ITGB2: variants seen among roughly 807,000 people sequenced by gnomAD.
The protein encoded by ITGB2 is integrin beta-2.
ITGB2 carries 56 observed loss-of-function variants against 86.8 expected under a neutral mutation model. That is an observed-to-expected ratio of 0.65 (90% CI 0.52 to 0.81). The LOEUF (loss-of-function observed/expected upper bound fraction) is 0.81, where lower values mean the gene tolerates loss of function less well. Among genes scored for constraint, ITGB2 ranks in the 30% least tolerant of loss-of-function variants. The pLI, the probability that ITGB2 is intolerant of heterozygous loss-of-function variation, is 0.00. For missense variants in ITGB2, 948 were observed against 1,061.2 expected (o/e 0.89, Z 1.48); for synonymous variants, 457 against 450.4 (o/e 1.01, Z -0.19).
rs376484884 is a variant in ITGB2 at position 44,901,736 on chromosome 21, G to A, written c.500-3C>T. On this transcript the variant is annotated splice_region_variant and splice_polypyrimidine_tract_variant and intron_variant, in intron 5 of 15. Transcript: ENST00000652462. ...CTTGTCCACGAAGGACCCGAAGCCT[G>A]CAGGGCACATGGAGGGGCTGGGGAG... 16 of 1,607,578 alleles carry A rather than the reference G, an allele frequency of 1.0e-5. No individual in the cohort carries two copies. The African/African-American group carries it at 1.6e-4, about 16-fold the overall frequency.
upstream of ITGB2, among the ~76,000 whole-genome samples, chr21:44,921,935 G>C (rs2084311516): frequency 6.6e-6 from 1 of 152,164 alleles, no homozygotes. Context: ...TGTTGACCAG[G>C]CTGGTCTTGA....
chr21:44,888,439 C>T (rs1206491121), intron 14 of ITGB2, among the ~76,000 whole-genome samples: 1 of 152,238 alleles, frequency 6.6e-6, no homozygotes, highest in Non-Finnish European at 1.5e-5. Context: ...AGTGGTGCCC[C>T]CAGGGAGCAG....
chr21:44,894,416 C>T lies in ITGB2; in HGVS notation c.1083+555G>A, dbSNP rs372319926. 4 of 177,784 alleles carry T rather than the reference C, an allele frequency of 2.2e-5. No homozygotes were observed. The South Asian group carries it at 4.6e-4, about 20-fold the overall frequency. The allele number at this position is 177,784 out of a possible 1,614,324, so 11.0% of individuals were successfully genotyped here. On this transcript the variant is annotated intron_variant, in intron 9 of 15. Coordinates refer to ENST00000652462, the MANE Select transcript of ITGB2 (RefSeq NM_000211.5). ...CTCTGGTGCCTGGGGCCCTGAATGG[C>T]ACCTAGTGCGCACCTATGCCTACCT...
intron 8 of ITGB2, among the ~76,000 whole-genome samples, chr21:44,895,718 G>A (rs2083854951): frequency 6.6e-6 from 1 of 151,580 alleles, no homozygotes; most frequent in Non-Finnish European, 1.5e-5. Flanking sequence ...GTGGGCACCT[G>A]TAAGCCCAGC....
chr21:44,899,648 G>A (rs1273951872), intron 7 of ITGB2, among the ~76,000 whole-genome samples: 1 of 152,238 alleles, frequency 6.6e-6, no homozygotes, highest in African/African-American at 2.4e-5. Context: ...CTGCAAGAGC[G>A]TCGCACTACG....
chr21:44,891,499 G>C (rs945264773), intron 11 of ITGB2, among the ~76,000 whole-genome samples: 3 of 152,190 alleles, frequency 2.0e-5, no homozygotes, highest in South Asian at 2.1e-4. Flanking sequence ...CCCTGAGATG[G>C]GCCTCCATCC....
rs759527254 is a variant in ITGB2 at position 44,901,603 on chromosome 21, C to A, written c.630G>T (p.Leu210=). The change falls in exon 6 of 16, where the codon CTG becomes CTT. Residue 210 remains leucine, a synonymous_variant. Transcript: ENST00000652462. ...PPFAFRHVLK[L]TNNSNQFQTE... ...TCTGAAACTGGTTGGAGTTGTTGGT[C>A]AGCTTCAGCACGTGCCTGAAGGCAA... The A allele has an allele frequency of 1.2e-6, 2 of 1,614,256 alleles. No homozygotes were observed. The highest frequency in any genetic ancestry group is 3.3e-5 in the Admixed American group (2 of 60,032).
At chr21:44,888,291 C>T (rs908144489) in intron 14 of ITGB2, among the ~76,000 whole-genome samples, 13 of 152,218 alleles carry the variant, frequency 8.5e-5, no homozygotes, top group Admixed American at 4.6e-4. Flanking sequence ...CTCCCAATCC[C>T]CTCAAAGGAG....
At chr21:44,917,067 G>A (rs2084222826) in intron 1 of ITGB2, among the ~76,000 whole-genome samples, 1 of 152,172 alleles carries the variant, frequency 6.6e-6, no homozygotes, top group Admixed American at 6.5e-5. Context: ...GATGTTTCAA[G>A]GGTGTGGCAC....
At chr21:44,922,405 G>A (rs1180898794), upstream of ITGB2, among the ~76,000 whole-genome samples, 2 of 152,118 alleles carry the variant, frequency 1.3e-5, no homozygotes, top group African/African-American at 2.4e-5. Context: ...GCTCAAACTT[G>A]TAATCCCAGC....
intron 1 of ITGB2, among the ~76,000 whole-genome samples, chr21:44,927,189 G>T (rs1290449607): frequency 6.6e-6 from 1 of 152,202 alleles, no homozygotes; most frequent in Non-Finnish European, 1.5e-5. Flanking sequence ...CCACGGAGGA[G>T]ACCCCATAGG....
Position 44,901,640 on chromosome 21 carries a change from C to A in ITGB2, c.593G>T (p.Cys198Phe). ...GTGCCTGAAGGCAAACGGGGGCTGG[C>A]ACTCTTTCTCCTTGTTGGGGCATGG... ...RNPCPNKEKE[C>F]QPPFAFRHVL... The change falls in exon 6 of 16, where the codon TGC becomes TTC. Residue 198 changes from cysteine (C) to phenylalanine (F), a missense_variant. Transcript: ENST00000652462. 6.2e-7 allele frequency: 1 copy of A among 1,614,274 alleles called. No individual in the cohort carries two copies. Among genetic ancestry groups the A allele is most frequent in the Non-Finnish European group, 8.5e-7 (1 of 1,180,050 alleles).
rs2083696620 is a variant in ITGB2, at chr21:44,886,267, G to A, written c.*101C>T. 8.8e-7 allele frequency: 1 copy of A among 1,131,422 alleles called. No homozygotes were observed. Among genetic ancestry groups the A allele is most frequent in the Non-Finnish European group, 1.3e-6 (1 of 741,392 alleles). 70.1% of individuals were successfully genotyped at this position (1,131,422 alleles called of 1,614,324 possible). A position where few individuals can be genotyped will look rare whatever the true frequency, so the allele number is the denominator to read the frequency against. On this transcript the variant is annotated 3_prime_UTR_variant, in exon 16 of 16. Transcript: ENST00000652462. ...AGGGCGGAAAATAACTGGATTTCTG[G>A]TTAATTGGTGACATCCTCAAGAGCT...
At chr21:44,905,257 C>A (rs2084025570) in intron 4 of ITGB2, among the ~76,000 whole-genome samples, 1 of 152,142 alleles carries the variant, frequency 6.6e-6, no homozygotes, top group African/African-American at 2.4e-5. Context: ...GCTCTGGGAG[C>A]CTGTGGCCCT....
intron 1 of ITGB2, among the ~76,000 whole-genome samples, chr21:44,926,436 C>T (rs2084374279): frequency 6.6e-6 from 1 of 152,238 alleles, no homozygotes; most frequent in South Asian, 2.1e-4. Flanking sequence ...AGGCCTGCTG[C>T]CCTGCCCTCT....
upstream of ITGB2, among the ~76,000 whole-genome samples, chr21:44,924,700 A>G (rs568518119): frequency 2.0e-5 from 3 of 152,006 alleles, no homozygotes; most frequent in East Asian, 5.8e-4. Context: ...AAAAAACAGC[A>G]CTCCTGAAAA....
At chr21:44,886,696 C>G (rs200806837) in intron 15 of ITGB2, 40 bp downstream of exon 15, 3 of 1,612,634 alleles carry the variant, frequency 1.9e-6, no homozygotes, top group South Asian at 2.2e-5. Context: ...GTGGGACGCA[C>G]GTGCCCCTCT....
In ITGB2 at chr21:44,886,159, A is replaced by T; in HGVS notation, c.*209T>A. 1.6e-6 allele frequency: 1 copy of T among 610,116 alleles called. No individual in the cohort carries two copies. The highest frequency in any genetic ancestry group is 2.8e-5 in the East Asian group (1 of 35,350). The allele number at this position is 610,116 out of a possible 1,614,324, so 37.8% of individuals were successfully genotyped here. A position where few individuals can be genotyped will look rare whatever the true frequency, so the allele number is the denominator to read the frequency against. On this transcript the variant is annotated 3_prime_UTR_variant, in exon 16 of 16. Transcript: ENST00000652462. ...TCAAGCCCTCCCTCCTCAAGTCTCC[A>T]TGCAAAGACTGTGCCAGTCAGAGTG... is the stretch of plus-strand genomic sequence containing the variant.
chr21:44,901,491 C>A lies in ITGB2; in HGVS notation c.741+1G>T. On this transcript the variant is annotated splice_donor_variant, in intron 6 of 15. Coordinates refer to ENST00000652462, the MANE Select transcript of ITGB2 (RefSeq NM_000211.5). LOFTEE classifies it high-confidence loss of function. Reference sequence around the variant, plus strand: ...GACCCAAGCAGGGGCAGCGGCCTCACCGGGCAGGCGGCGACCTGCATCATG... The same window carrying A: ...GACCCAAGCAGGGGCAGCGGCCTCAACGGGCAGGCGGCGACCTGCATCATG... 6.2e-7 allele frequency: 1 copy of A among 1,613,968 alleles called. No homozygotes were observed. The highest frequency in any genetic ancestry group is 8.5e-7 in the Non-Finnish European group (1 of 1,179,964).
Sources: allele counts gnomAD v4.1 joint callset (sites outside exome capture counted in the v4.1 genomes callset), GRCh38; gene constraint gnomAD v4.1.1; transcripts MANE v1.5; gene names NCBI Gene and HGNC (gene_info 2026-07-23, HGNC 2026-07-21).